The following FRMPD4 variants were observed in gnomAD, a reference collection of about 807,000 sequenced individuals.
FRMPD4 encodes the protein FERM and PDZ domain-containing protein 4.
In FRMPD4, 22 loss-of-function variants were observed where a neutral mutation model predicts 94.1. That is an observed-to-expected ratio of 0.23 (90% CI 0.17 to 0.33). The LOEUF is 0.33. Among genes scored for constraint, FRMPD4 ranks in the 10% least tolerant of loss-of-function variants. FRMPD4 has a pLI of 1.00. For missense variants in FRMPD4, 1,111 were observed against 1,339.9 expected (o/e 0.83, Z 2.67); for synonymous variants, 631 against 548.6 (o/e 1.15, Z -2.10).
At chrX:12,615,537 A>G (rs1436091067) in intron 4 of FRMPD4, among the ~76,000 whole-genome samples, 1 of 111,907 alleles carries the variant, frequency 8.9e-6, no homozygotes, top group Non-Finnish European at 1.9e-5. Flanking sequence ...ATACCTCCTT[A>G]GTGAATTTAA....
Position 12,370,064 on chromosome X carries a change from C to T in FRMPD4, c.42-128616C>T, listed in dbSNP as rs1284383494. On this transcript the variant is annotated intron_variant, in intron 1 of 16. Transcript: ENST00000675598. The stretch of plus-strand genomic sequence containing the variant: ...GTTGAGCAAATGCTCTTTCATTTAT[C>T]ATAATTTTCCAATTTTTTAAGAAAA... Among the ~76,000 whole-genome samples the T allele has an allele frequency of 4.5e-5, 5 of 112,043 alleles. No homozygotes were observed. The East Asian group carries it at 1.4e-3, about 31-fold the overall frequency.
chrX:12,278,082 T>C (rs1216622711), intron 1 of FRMPD4, among the ~76,000 whole-genome samples: 1 of 112,862 alleles, frequency 8.9e-6, no homozygotes, highest in African/African-American at 3.2e-5. Flanking sequence ...TCTAGTTAGA[T>C]AGTGAGGGCT....
intron 1 of FRMPD4, among the ~76,000 whole-genome samples, chrX:12,322,940 G>A (rs2055229971): frequency 9.0e-6 from 1 of 111,484 alleles, no homozygotes; most frequent in Admixed American, 9.5e-5. Flanking sequence ...TTTTTCCCAT[G>A]TTGACATCTC....
At chrX:11,872,219 A>T (rs1202955169) in intron 2 of FRMPD4, among the ~76,000 whole-genome samples, 2 of 112,412 alleles carry the variant, frequency 1.8e-5, no homozygotes, top group Non-Finnish European at 3.8e-5. Context: ...GTACAATTCA[A>T]CTTAAGTCTT....
At chrX:12,545,004 A>T (rs1409264853) in intron 2 of FRMPD4, among the ~76,000 whole-genome samples, 6 of 111,724 alleles carry the variant, frequency 5.4e-5, no homozygotes, top group Admixed American at 2.9e-4. Context: ...TAGGTAGAAT[A>T]TTGCTTCTTT....
At chrX:12,376,508 T>C (rs752688657) in intron 1 of FRMPD4, among the ~76,000 whole-genome samples, 3 of 112,923 alleles carry the variant, frequency 2.7e-5, no homozygotes, top group African/African-American at 9.6e-5. Flanking sequence ...GATGTTATTT[T>C]TTAACCTGTC....
chrX:12,632,212 G>T (rs763373146), intron 4 of FRMPD4, among the ~76,000 whole-genome samples: 26 of 111,937 alleles, frequency 2.3e-4, no homozygotes, highest in Admixed American at 1.6e-3. Flanking sequence ...AAAGAGACAT[G>T]CATCTGGGAG....
intron 1 of FRMPD4, among the ~76,000 whole-genome samples, chrX:11,852,442 CAAA>C (rs374590200): frequency 5.7e-5 from 3 of 52,640 alleles, no homozygotes; most frequent in Non-Finnish European, 7.2e-5. Flanking sequence ...ACCCTGTCTC[CAAA>C]AAAAAAAAAA....
chrX:12,344,970 A>G (rs2055678262), intron 1 of FRMPD4, among the ~76,000 whole-genome samples: 1 of 112,525 alleles, frequency 8.9e-6, no homozygotes, highest in Non-Finnish European at 1.9e-5. Flanking sequence ...TGTTTGTTCA[A>G]AGATAAAAGT....
chrX:12,541,516 C>T (rs1217819775), intron 2 of FRMPD4, among the ~76,000 whole-genome samples: 6 of 111,536 alleles, frequency 5.4e-5, no homozygotes, highest in Admixed American at 9.5e-5. Context: ...CCTGGACACA[C>T]ACATCCTCCC....
At chrX:12,713,668 G>A (rs1016982644) in intron 14 of FRMPD4, among the ~76,000 whole-genome samples, 1 of 111,441 alleles carries the variant, frequency 9.0e-6, no homozygotes, top group African/African-American at 3.3e-5. Flanking sequence ...AATACAGAGC[G>A]GAAGTCCCAT....
At chrX:12,666,500 C>T (rs5935379) in intron 4 of FRMPD4, among the ~76,000 whole-genome samples, 32,713 of 110,792 alleles carry the variant, frequency 0.3, 4,172 homozygotes, top group Non-Finnish European at 0.41. Flanking sequence ...CCACATAGCA[C>T]TTATTCTAAA....
chrX:12,089,718 T>C (rs1408706030), intron 3 of FRMPD4, among the ~76,000 whole-genome samples: 1 of 112,135 alleles, frequency 8.9e-6, no homozygotes, highest in Non-Finnish European at 1.9e-5. Context: ...ATATTACCTA[T>C]AGATATAATG....
intron 1 of FRMPD4, among the ~76,000 whole-genome samples, chrX:12,204,827 A>G (rs774308802): frequency 3.6e-5 from 4 of 111,196 alleles, no homozygotes; most frequent in South Asian, 3.8e-4. Context: ...GAAATCTGCT[A>G]TTCTCCCCAG....
At chrX:12,169,362 C>A (rs1011178264) in intron 1 of FRMPD4, among the ~76,000 whole-genome samples, 1 of 111,855 alleles carries the variant, frequency 8.9e-6, no homozygotes, top group South Asian at 3.7e-4. Flanking sequence ...GGATATATAC[C>A]AAATTTCATT....
At chrX:12,642,458 C>T (rs891606519) in intron 4 of FRMPD4, among the ~76,000 whole-genome samples, 1 of 111,883 alleles carries the variant, frequency 8.9e-6, no homozygotes, top group African/African-American at 3.3e-5. Context: ...TATTGCAGTT[C>T]CTGGCCAGCC....
intron 16 of FRMPD4, among the ~76,000 whole-genome samples, chrX:12,720,033 AG>A (rs1194799023): frequency 0.23 from 13,335 of 58,986 alleles, 1,029 homozygotes; most frequent in Middle Eastern, 0.39. Flanking sequence ...AGGAAAGGAA[AG>A]GAAAGGAAAG....
chrX:12,285,943 A>G (rs1255500263), intron 1 of FRMPD4, among the ~76,000 whole-genome samples: 1 of 112,069 alleles, frequency 8.9e-6, no homozygotes, highest in Non-Finnish European at 1.9e-5. Flanking sequence ...TTTATACTTA[A>G]TAGTGGTGTA....
At chrX:11,844,782 T>C (rs867249589) in intron 1 of FRMPD4, among the ~76,000 whole-genome samples, 5 of 112,240 alleles carry the variant, frequency 4.5e-5, no homozygotes, top group Non-Finnish European at 9.4e-5. Flanking sequence ...TTATTTATTA[T>C]TTTTGTGAAT....
Sources: gnomAD v4.1 joint callset for allele counts (sites outside exome capture counted in the v4.1 genomes callset) on GRCh38, gnomAD v4.1.1 for gene constraint, MANE v1.5 for transcripts, NCBI Gene and HGNC (gene_info 2026-07-23, HGNC 2026-07-21) for gene names.